HSD17B4: variants seen among roughly 807,000 people sequenced by gnomAD.
The protein encoded by HSD17B4 is peroxisomal multifunctional enzyme type 2.
A neutral mutation model predicts 101.0 loss-of-function variants in HSD17B4; 70 were observed. The ratio of observed to expected loss-of-function variants is 0.69; its 90% CI spans 0.57 to 0.85. The LOEUF (loss-of-function observed/expected upper bound fraction) is 0.85. HSD17B4 is among the 40% of genes least tolerant of loss of function. The pLI, the probability that HSD17B4 is intolerant of heterozygous loss-of-function variation, is 0.00. For synonymous variants in HSD17B4, 347 were observed against 297.1 expected, an observed-to-expected ratio of 1.17 and a Z score of -1.73; for missense variants, 984 against 892.4, an observed-to-expected ratio of 1.10 and a Z score of -1.31.
intron 14 of HSD17B4, 152 bp downstream of exon 14, chr5:119,502,244 G>T: frequency 1.6e-6 from 1 of 617,282 alleles, no homozygotes; most frequent in East Asian, 2.8e-5. Context: ...GTAGACTGAT[G>T]TTAACTAGTA....
chr5:119,485,033 A>C (rs935661920), intron 8 of HSD17B4, among the ~76,000 whole-genome samples: 2 of 152,186 alleles, frequency 1.3e-5, no homozygotes, highest in Non-Finnish European at 2.9e-5. Context: ...AAAGCATGAA[A>C]ATGTAATGAA....
intron 11 of HSD17B4, among the ~76,000 whole-genome samples, chr5:119,496,043 T>C (rs1405646070): frequency 1.3e-5 from 2 of 152,104 alleles, no homozygotes; most frequent in African/African-American, 4.8e-5. Context: ...TCATTGGTTA[T>C]GATGATGATT....
At chr5:119,463,331 C>A (rs1755452644) in intron 2 of HSD17B4, among the ~76,000 whole-genome samples, 1 of 152,096 alleles carries the variant, frequency 6.6e-6, no homozygotes, top group African/African-American at 2.4e-5. Context: ...ATGCAGATAC[C>A]TCTTTGACAT....
chr5:119,465,767 A>T (rs753307208), intron 2 of HSD17B4, among the ~76,000 whole-genome samples: 4 of 152,192 alleles, frequency 2.6e-5, no homozygotes, highest in Non-Finnish European at 4.4e-5. Flanking sequence ...TGTCATCTGT[A>T]AACAGGAACA....
At chr5:119,528,796 G>A (rs1003902851) in intron 20 of HSD17B4, among the ~76,000 whole-genome samples, 4 of 152,052 alleles carry the variant, frequency 2.6e-5, no homozygotes, top group South Asian at 4.1e-4. Context: ...TAAATTCTAA[G>A]CATGCTGTCT....
chr5:119,520,845 A>G (rs1753052353), intron 17 of HSD17B4, among the ~76,000 whole-genome samples: 1 of 151,898 alleles, frequency 6.6e-6, no homozygotes, highest in Admixed American at 6.6e-5. Context: ...TTTAGTTTTG[A>G]TTGCTGTTCT....
rs149283499 is a variant in HSD17B4, at chr5:119,493,868, A to G, written c.790A>G (p.Met264Val). 6.1e-5 allele frequency: 99 copies of G among 1,612,858 alleles called. No homozygotes were observed. The highest frequency in any genetic ancestry group is 3.3e-4 in the Middle Eastern group (2 of 6,058). The change falls in exon 11 of 24, where the codon ATG becomes GTG. Residue 264 changes from methionine to valine, a missense_variant. Physicochemically the swap from Met to Val is conservative, Grantham distance 21. Coordinates refer to ENST00000510025, the MANE Select transcript of HSD17B4 (RefSeq NM_000414.4). ...GAIVRQKNHP[M>V]TPEAVKANWK... Reference sequence around the variant, plus strand: ...TATTGTAAGACAAAAGAATCACCCAATGACTCCTGAGGCAGTCAAGGCTAA... The same window carrying G: ...TATTGTAAGACAAAAGAATCACCCAGTGACTCCTGAGGCAGTCAAGGCTAA...
intron 11 of HSD17B4, among the ~76,000 whole-genome samples, chr5:119,494,324 CTTTTCTTT>C (rs1750405818): frequency 8.6e-6 from 1 of 116,708 alleles, no homozygotes; most frequent in African/African-American, 3.1e-5. Context: ...TTCTTTCTTT[CTTTTCTTT>C]CTTTCTTTCT....
chr5:119,508,946 C>G (rs1751910394), intron 15 of HSD17B4, among the ~76,000 whole-genome samples, 195 bp from the exon 16 acceptor site: 1 of 152,188 alleles, frequency 6.6e-6, no homozygotes, highest in Admixed American at 6.5e-5. Context: ...TTCTCTCTGC[C>G]TTTCAGATTC....
intron 23 of HSD17B4, 138 bp downstream of exon 23, chr5:119,536,688 T>C: frequency 1.3e-6 from 1 of 781,026 alleles, no homozygotes; most frequent in South Asian, 1.5e-5. Context: ...TTGCTACTGA[T>C]ACTCTGGTTG....
intron 16 of HSD17B4, among the ~76,000 whole-genome samples, chr5:119,509,890 A>T (rs185228512): frequency 1.3e-5 from 2 of 152,234 alleles, no homozygotes; most frequent in Non-Finnish European, 2.9e-5. Context: ...CAAAATATGT[A>T]TCAATTGATG....
At chr5:119,509,362 A>G in intron 16 of HSD17B4, 118 bp downstream of exon 16, 2 of 763,510 alleles carry the variant, frequency 2.6e-6, no homozygotes, top group Non-Finnish European at 4.8e-6. Flanking sequence ...AAATTTTCTT[A>G]TACATCTGCC....
chr5:119,478,732 A>T lies in HSD17B4; in HGVS notation c.435-102A>T, dbSNP rs75814129. The T allele has an allele frequency of 2.8e-4, 236 of 835,048 alleles. No homozygotes were observed. In the African/African-American group the frequency reaches 3.7e-3, roughly 13 times the overall value. The allele number at this position is 835,048 out of a possible 1,614,324, so 51.7% of individuals were successfully genotyped here. ...TCGTAAGAAGCTAATGACAGTACAC[A>T]TAGTTGCTTTTGATAGGTGCAGTAG... On this transcript the variant is annotated intron_variant, in intron 7 of 23. Coordinates refer to ENST00000510025, the MANE Select transcript of HSD17B4 (RefSeq NM_000414.4).
At chr5:119,474,161 A>G in intron 3 of HSD17B4, 146 bp downstream of exon 3, 2 of 675,350 alleles carry the variant, frequency 3.0e-6, no homozygotes, top group South Asian at 1.8e-5. Context: ...CATATTTTAT[A>G]TATGTGAGAA....
At chr5:119,452,723 A>T (rs766777534) in intron 1 of HSD17B4, 90 bp downstream of exon 1, 3 of 1,604,880 alleles carry the variant, frequency 1.9e-6, no homozygotes, top group Admixed American at 1.7e-5. Context: ...GCCGCAGCTG[A>T]GGTCACCCCG....
chr5:119,484,759 T>C (rs1749461925), intron 8 of HSD17B4, among the ~76,000 whole-genome samples: 1 of 152,192 alleles, frequency 6.6e-6, no homozygotes, highest in Admixed American at 6.5e-5. Context: ...AGCAGTACTT[T>C]GCAGTCTTTG....
chr5:119,494,689 T>C (rs1411160981), intron 11 of HSD17B4, among the ~76,000 whole-genome samples: 1 of 152,148 alleles, frequency 6.6e-6, no homozygotes, highest in Non-Finnish European at 1.5e-5. Flanking sequence ...CATGAATGTA[T>C]GGTTTCTTAA....
In HSD17B4 at chr5:119,525,258, A is replaced by G. The variant is rs1753477939; in HGVS notation, c.1546A>G (p.Ile516Val). The change falls in exon 18 of 24, where the codon ATT becomes GTT. Residue 516 changes from isoleucine to valine, a missense_variant. Transcript: ENST00000510025. ...CAGTGGAGACTGGAATCCCTTACAC[A>G]TTGATCCTAACTTTGCTAGTCTAGC... ...RLSGDWNPLHIDPNFASLAGF... is the reference protein window; with the variant it reads ...RLSGDWNPLHVDPNFASLAGF... 5.0e-6 allele frequency: 8 copies of G among 1,611,956 alleles called. No individual in the cohort carries two copies. The highest frequency in any genetic ancestry group is 1.7e-5 in the Admixed American group (1 of 59,888).
intron 15 of HSD17B4, among the ~76,000 whole-genome samples, chr5:119,507,519 C>T (rs1751763609): frequency 1.3e-5 from 2 of 152,182 alleles, no homozygotes; most frequent in South Asian, 4.2e-4. Context: ...TGCGGTGGCT[C>T]ACGCCTGTAA....
Sources: gnomAD v4.1 joint callset for allele counts (sites outside exome capture counted in the v4.1 genomes callset) on GRCh38, gnomAD v4.1.1 for gene constraint, MANE v1.5 for transcripts, NCBI Gene and HGNC (gene_info 2026-07-23, HGNC 2026-07-21) for gene names.